Variants in DLG2 observed in about 807,000 individuals in gnomAD.
DLG2 encodes disks large homolog 2.
A neutral mutation model predicts 132.5 loss-of-function variants in DLG2; 45 were observed. That is an observed-to-expected ratio of 0.34 (90% CI 0.27 to 0.44). The LOEUF is 0.44. DLG2 is among the 20% of genes least tolerant of loss of function. The pLI, the probability that DLG2 is intolerant of heterozygous loss-of-function variation, is 1.00. For missense variants in DLG2, 1,045 were observed against 1,196.9 expected (o/e 0.87, Z 1.87); for synonymous variants, 424 against 419.6 (o/e 1.01, Z -0.13).
At chr11:84,679,520 A>G (rs2099723407) in intron 6 of DLG2, among the ~76,000 whole-genome samples, 1 of 152,116 alleles carries the variant, frequency 6.6e-6, no homozygotes, top group South Asian at 2.1e-4. Context: ...GCAAGAAAGA[A>G]TATGGATTTT....
intron 3 of DLG2, among the ~76,000 whole-genome samples, chr11:85,550,676 C>T (rs2076613169): frequency 6.6e-6 from 1 of 152,234 alleles, no homozygotes; most frequent in African/African-American, 2.4e-5. Flanking sequence ...GAAACATCTG[C>T]ATGGAACTTT....
chr11:85,007,375 A>T (rs2058754319), intron 6 of DLG2, among the ~76,000 whole-genome samples: 1 of 152,018 alleles, frequency 6.6e-6, no homozygotes, highest in Non-Finnish European at 1.5e-5. Flanking sequence ...AGAGTAAGAG[A>T]TATGGCCGGG....
intron 3 of DLG2, among the ~76,000 whole-genome samples, chr11:85,382,566 C>A (rs878917276): frequency 6.6e-6 from 1 of 151,742 alleles, no homozygotes; most frequent in African/African-American, 2.4e-5. Flanking sequence ...GGCAACCCAC[C>A]GATGAAAAAT....
intron 6 of DLG2, among the ~76,000 whole-genome samples, chr11:84,711,320 C>A (rs964791226): frequency 2.3e-5 from 3 of 129,828 alleles, no homozygotes; most frequent in Non-Finnish European, 4.9e-5. Flanking sequence ...TCCAAAGAAA[C>A]AGAACCAGTA....
At chr11:84,634,475 C>A (rs73511189) in intron 6 of DLG2, among the ~76,000 whole-genome samples, 1 of 152,106 alleles carries the variant, frequency 6.6e-6, no homozygotes, top group Non-Finnish European at 1.5e-5. Context: ...CAGTCACAGG[C>A]GGACAACTAT....
intron 7 of DLG2, among the ~76,000 whole-genome samples, chr11:84,376,895 A>G (rs1002625250): frequency 6.6e-6 from 1 of 152,022 alleles, no homozygotes; most frequent in South Asian, 2.1e-4. Flanking sequence ...ATGTAGATTA[A>G]TGACAGAATT....
intron 19 of DLG2, among the ~76,000 whole-genome samples, chr11:83,577,891 A>ATT (rs2096905661): frequency 1.6e-5 from 2 of 125,254 alleles, no homozygotes; most frequent in Non-Finnish European, 3.2e-5. Flanking sequence ...TAAATATATA[A>ATT]ATGGAAGTTT....
intron 4 of DLG2, among the ~76,000 whole-genome samples, chr11:85,183,985 T>C (rs923664889): frequency 6.6e-6 from 1 of 151,996 alleles, no homozygotes; most frequent in Non-Finnish European, 1.5e-5. Context: ...TTATTTTCCT[T>C]TCTGTTTTAC....
At chr11:84,900,402 G>A (rs2090740748) in intron 6 of DLG2, among the ~76,000 whole-genome samples, 1 of 151,980 alleles carries the variant, frequency 6.6e-6, no homozygotes, top group Admixed American at 6.6e-5. Context: ...CAGGCACTGG[G>A]AATACAATCG....
At chr11:84,042,043 A>C (rs767780365) in intron 11 of DLG2, among the ~76,000 whole-genome samples, 7 of 151,962 alleles carry the variant, frequency 4.6e-5, no homozygotes, top group African/African-American at 7.2e-5. Context: ...TAAGTTCAAT[A>C]AACAATTTCT....
At chr11:85,140,719 T>C (rs72961531) in intron 5 of DLG2, among the ~76,000 whole-genome samples, 4,674 of 151,856 alleles carry the variant, frequency 0.031, 102 homozygotes, top group Non-Finnish European at 0.049. Context: ...ATCCCCACTT[T>C]TCCCCTCCAT....
chr11:84,513,302 A>G (rs546837452), intron 7 of DLG2, among the ~76,000 whole-genome samples: 6 of 152,190 alleles, frequency 3.9e-5, no homozygotes, highest in African/African-American at 1.2e-4. Context: ...AAAAATACCA[A>G]TGACATTCTT....
intron 3 of DLG2, among the ~76,000 whole-genome samples, chr11:85,293,004 C>G (rs2079008366): frequency 6.6e-6 from 1 of 151,878 alleles, no homozygotes; most frequent in Non-Finnish European, 1.5e-5. Context: ...ATGACTAAAT[C>G]TGAAATAATT....
intron 3 of DLG2, among the ~76,000 whole-genome samples, chr11:85,306,183 C>T (rs954149236): frequency 2.0e-5 from 3 of 152,146 alleles, no homozygotes; most frequent in Non-Finnish European, 2.9e-5. Context: ...TGTCAGTTTA[C>T]CTCCCCTTCT....
chr11:83,841,143 T>C (rs1043583914), intron 16 of DLG2, among the ~76,000 whole-genome samples: 1 of 152,344 alleles, frequency 6.6e-6, no homozygotes, highest in East Asian at 1.9e-4. Context: ...AGTGAGATCA[T>C]AATATCCTGG....
chr11:83,868,327 G>A (rs1021873869), intron 16 of DLG2, among the ~76,000 whole-genome samples: 6 of 152,130 alleles, frequency 3.9e-5, no homozygotes, highest in African/African-American at 1.4e-4. Flanking sequence ...AGACAGGTCT[G>A]TCTTTATTGG....
chr11:84,711,005 T>TATAG (rs1208622295), intron 6 of DLG2, among the ~76,000 whole-genome samples: 1 of 64,376 alleles, frequency 1.6e-5, no homozygotes, highest in Non-Finnish European at 3.1e-5. Context: ...TTCATATATA[T>TATAG]ATAGATATAT....
chr11:84,419,077 A>G (rs1170518508), intron 7 of DLG2, among the ~76,000 whole-genome samples: 1 of 152,152 alleles, frequency 6.6e-6, no homozygotes, highest in Non-Finnish European at 1.5e-5. Context: ...ATTGCTTGGT[A>G]GACACAACTC....
At chr11:85,496,666 T>C (rs1441355188) in intron 3 of DLG2, among the ~76,000 whole-genome samples, 2 of 152,092 alleles carry the variant, frequency 1.3e-5, no homozygotes, top group Non-Finnish European at 2.9e-5. Context: ...CACCTCCCAG[T>C]AGGGGCCAAC....
Sources: allele counts gnomAD v4.1 joint callset (sites outside exome capture counted in the v4.1 genomes callset), GRCh38; gene constraint gnomAD v4.1.1; transcripts MANE v1.5; gene names NCBI Gene and HGNC (gene_info 2026-07-23, HGNC 2026-07-21).